PCDHA4: variants seen among roughly 807,000 people sequenced by gnomAD.
The protein encoded by PCDHA4 is protocadherin alpha-4.
Under a neutral mutation model 61.4 loss-of-function variants are expected in PCDHA4, and 49 were observed. The observed-to-expected ratio is 0.80, with a 90% CI of 0.63 to 1.01. The LOEUF (loss-of-function observed/expected upper bound fraction) is 1.01, where lower values mean the gene tolerates loss of function less well. Among genes scored for constraint, PCDHA4 ranks in the 50% least tolerant of loss-of-function variants. PCDHA4 has a pLI of 0.00. For synonymous variants in PCDHA4, 590 were observed against 550.3 expected (o/e 1.07, Z -1.01); for missense variants, 1,254 against 1,235.8 (o/e 1.01, Z -0.22).
At chr5:140,823,941 C>A in intron 1 of PCDHA4, 1 of 1,613,924 alleles carries the variant, frequency 6.2e-7, no homozygotes, top group Non-Finnish European at 8.5e-7. Context: ...CGCTGCGGTG[C>A]TCGGCGCAGC....
In PCDHA4 at chr5:140,980,214, C is replaced by T. The variant is rs2096880494; in HGVS notation, c.2444+1207C>T. 2.0e-5 allele frequency among the ~76,000 whole-genome samples: 3 copies of T among 152,212 alleles called. No homozygotes were observed. The South Asian group carries it at 6.2e-4, about 31-fold the overall frequency. The stretch of plus-strand genomic sequence containing the variant: ...ATTAGAGACCAACTTGTGCTTTTGC[C>T]TGCATCTGAGCTGTTGGTGGAGACA... On this transcript the variant is annotated intron_variant, in intron 2 of 3. Transcript: ENST00000530339.
At chr5:140,829,720 G>A (rs1554132185) in intron 1 of PCDHA4, 5 of 1,613,502 alleles carry the variant, frequency 3.1e-6, no homozygotes, top group African/African-American at 1.3e-5. Context: ...CGGGCGTGCC[G>A]CCTCTGGGCA....
At chr5:140,877,730 A>C in intron 1 of PCDHA4, 1 of 1,614,146 alleles carries the variant, frequency 6.2e-7, no homozygotes, top group Non-Finnish European at 8.5e-7. Context: ...TACTCGCAGC[A>C]GAGGAGGCAG....
At chr5:140,869,380 G>A (rs1315666503) in intron 1 of PCDHA4, 1 of 1,614,046 alleles carries the variant, frequency 6.2e-7, no homozygotes, top group African/African-American at 1.3e-5. Context: ...GATCGACCGC[G>A]AGGAGCTGTG....
intron 1 of PCDHA4, chr5:140,857,572 G>C: frequency 6.3e-7 from 1 of 1,596,716 alleles, no homozygotes; most frequent in Non-Finnish European, 8.6e-7. Flanking sequence ...GCTACGTGTC[G>C]GTGCACGCGG....
At chr5:140,824,614 T>TTTTTTTTTTG (rs1768229556) in intron 1 of PCDHA4, 1 of 124,554 alleles carries the variant, frequency 8.0e-6, no homozygotes, top group Admixed American at 7.7e-5. Context: ...ATTAAAGTTT[T>TTTTTTTTTTG]TTTTTTTTTT....
At chr5:140,928,652 A>T in intron 1 of PCDHA4, 1 of 1,614,188 alleles carries the variant, frequency 6.2e-7, no homozygotes, top group Non-Finnish European at 8.5e-7. Context: ...GTAGCAGAGG[A>T]TGCTGACAGT....
At chr5:140,951,597 C>T (rs1445745403) in intron 1 of PCDHA4, among the ~76,000 whole-genome samples, 1 of 152,098 alleles carries the variant, frequency 6.6e-6, no homozygotes, top group East Asian at 1.9e-4. Flanking sequence ...ATCTCTCTCA[C>T]TGTTATGAGA....
At chr5:140,939,149 C>T (rs2092323339) in intron 1 of PCDHA4, among the ~76,000 whole-genome samples, 1 of 152,124 alleles carries the variant, frequency 6.6e-6, no homozygotes, top group South Asian at 2.1e-4. Flanking sequence ...GATCAAGGTC[C>T]TGGCAGATTT....
chr5:140,828,047 T>C, intron 1 of PCDHA4: 1 of 1,543,604 alleles, frequency 6.5e-7, no homozygotes, highest in Non-Finnish European at 8.7e-7. Flanking sequence ...ATTTTATCTT[T>C]ATGCGGAAGA....
At chr5:140,823,060 G>A in intron 1 of PCDHA4, 1 of 1,614,138 alleles carries the variant, frequency 6.2e-7, no homozygotes, top group Non-Finnish European at 8.5e-7. Context: ...CGCGCGGGAC[G>A]GGGGCTCGCC....
intron 1 of PCDHA4, 126 bp downstream of exon 1, chr5:140,809,698 T>A: frequency 8.7e-7 from 1 of 1,155,888 alleles, no homozygotes; most frequent in Non-Finnish European, 1.2e-6. Context: ...ATATCCATTT[T>A]AACTAAAGTC....
At chr5:140,978,795 G>T in intron 1 of PCDHA4, 154 bp from the exon 2 acceptor site, 1 of 979,238 alleles carries the variant, frequency 1.0e-6, no homozygotes, top group Non-Finnish European at 1.2e-6. Flanking sequence ...TGCTATATAT[G>T]TAGATATCAT....
chr5:140,927,256 C>T, intron 1 of PCDHA4: 1 of 1,614,144 alleles, frequency 6.2e-7, no homozygotes, highest in Non-Finnish European at 8.5e-7. Context: ...TGACAACTCA[C>T]CTCTCTTTCC....
chr5:140,966,813 T>C (rs2096057002), intron 1 of PCDHA4: 2 of 1,551,874 alleles, frequency 1.3e-6, no homozygotes, highest in Non-Finnish European at 8.7e-7. Context: ...CATCCACGGC[T>C]CCGGCGGCCC....
rs2150444436 is a variant in PCDHA4, at chr5:140,849,672, G to T, written c.2385+40100G>T. On this transcript the variant is annotated intron_variant, in intron 1 of 3. Coordinates refer to ENST00000530339, the MANE Select transcript of PCDHA4 (RefSeq NM_018907.4). The stretch of plus-strand genomic sequence containing the variant: ...GGTTACCTGCTCCCTGACGCCCCAC[G>T]TCCCCTTCAAGCTGGTGTCCACCTA... 151 of 1,598,650 alleles carry T rather than the reference G, an allele frequency of 9.4e-5. 5 individuals carry two copies. The South Asian group carries it at 1.5e-3, about 16-fold the overall frequency.
intron 1 of PCDHA4, chr5:140,865,437 T>C (rs951308725): frequency 3.3e-5 from 5 of 152,200 alleles, no homozygotes; most frequent in Non-Finnish European, 7.3e-5. Context: ...GAAAAATAAC[T>C]TCTGAGAAGA....
chr5:140,936,151 C>T (rs947807537), intron 1 of PCDHA4, among the ~76,000 whole-genome samples: 66 of 152,246 alleles, frequency 4.3e-4, no homozygotes, highest in African/African-American at 1.5e-3. Context: ...CCTTGGCCTC[C>T]TAAAGTGCTG....
chr5:140,812,423 A>G (rs1765104720), intron 1 of PCDHA4: 1 of 151,764 alleles, frequency 6.6e-6, no homozygotes, highest in Non-Finnish European at 1.5e-5. Flanking sequence ...TTGTTTTTTC[A>G]AAAAATCAAC....
Sources: allele counts gnomAD v4.1 joint callset (sites outside exome capture counted in the v4.1 genomes callset), GRCh38; gene constraint gnomAD v4.1.1; transcripts MANE v1.5; gene names NCBI Gene and HGNC (gene_info 2026-07-23, HGNC 2026-07-21).